TAF11: variants seen among roughly 807,000 people sequenced by gnomAD.
TAF11 encodes the protein transcription initiation factor TFIID subunit 11.
Under a neutral mutation model 23.0 loss-of-function variants are expected in TAF11, and 10 were observed. That is an observed-to-expected ratio of 0.43 (90% CI 0.27 to 0.74). The LOEUF is 0.74. Among genes scored for constraint, TAF11 ranks in the 30% least tolerant of loss-of-function variants. TAF11 has a pLI of 0.19. For synonymous variants in TAF11, 85 were observed against 95.8 expected, an observed-to-expected ratio of 0.89 and a Z score of 0.66; for missense variants, 196 against 261.7, an observed-to-expected ratio of 0.75 and a Z score of 1.73.
At chr6:34,879,251 T>G (rs186663581) in intron 4 of TAF11, 3 of 306,050 alleles carry the variant, frequency 9.8e-6, no homozygotes, top group East Asian at 3.5e-4. Context: ...GGTATGGTAG[T>G]GCACGCCTAC....
intron 1 of TAF11, among the ~76,000 whole-genome samples, chr6:34,885,502 ATTTCTACT>A (rs1766511423): frequency 6.6e-6 from 1 of 152,044 alleles, no homozygotes; most frequent in Admixed American, 6.5e-5. Flanking sequence ...GCCTGTTATG[ATTTCTACT>A]TTTAAGAGTT....
At chr6:34,886,583 A>T (rs2127433778) in intron 1 of TAF11, among the ~76,000 whole-genome samples, 1 of 151,030 alleles carries the variant, frequency 6.6e-6, no homozygotes, top group African/African-American at 2.4e-5. Flanking sequence ...CTTGTGCCTC[A>T]GCCTCCTAAG....
rs1379056622 is a variant in TAF11, at chr6:34,886,460, CTTTCT to C, written c.171+1322_171+1326del. 8.6e-5 allele frequency among the ~76,000 whole-genome samples: 13 copies of C among 151,878 alleles called. No individual in the cohort carries two copies. In the South Asian group the frequency reaches 1.2e-3, roughly 15 times the overall value. On this transcript the variant is annotated intron_variant, in intron 1 of 4. Transcript: ENST00000361288. ...TGTCAAATGTTCTCTTTTCCTTTTT[CTTTCT>C]TTTCTTTTCTTTTTTTTTTTCCGAG... is the stretch of plus-strand genomic sequence containing the variant.
rs990480264 is a variant in TAF11, at chr6:34,883,099, C to T, written c.172-19G>A. ...TCTCGAGCTGGGAAGATGAAAGAAA[C>T]TCTATTATATATTTGGCCTACTTTC... On this transcript the variant is annotated intron_variant, in intron 1 of 4. Transcript: ENST00000361288. 6.2e-7 allele frequency: 1 copy of T among 1,602,928 alleles called. No individual in the cohort carries two copies. The highest frequency in any genetic ancestry group is 8.5e-7 in the Non-Finnish European group (1 of 1,177,520).
At chr6:34,882,114 C>T (rs868203411) in intron 2 of TAF11, among the ~76,000 whole-genome samples, 26 of 149,678 alleles carry the variant, frequency 1.7e-4, no homozygotes, top group African/African-American at 5.9e-4. Context: ...CTGAGGCGGG[C>T]GGATCACGAA....
intron 2 of TAF11, among the ~76,000 whole-genome samples, chr6:34,881,413 AT>A (rs1766421891): frequency 6.6e-6 from 1 of 152,104 alleles, no homozygotes; most frequent in Non-Finnish European, 1.5e-5. Context: ...TTTATGGGTG[AT>A]TTTTTTCTAT....
Position 34,887,895 on chromosome 6 carries a change from C to G in TAF11, c.63G>C (p.Thr21=), listed in dbSNP as rs16895197. The G allele has an allele frequency of 5.6e-6, 9 of 1,614,204 alleles. No homozygotes were observed. Among genetic ancestry groups the G allele is most frequent in the Admixed American group, 1.7e-5 (1 of 60,030 alleles). Residue 21 remains threonine (T), a synonymous_variant, in exon 1 of 5, where the codon ACG becomes ACC. Transcript: ENST00000361288. ...KGGETGESDE[T]AAVPGDPGAT... ...CCCCCGGGTCCCCGGGCACAGCGGC[C>G]GTCTCATCCGACTCCCCTGTCTCTC...
intron 1 of TAF11, among the ~76,000 whole-genome samples, 193 bp downstream of exon 1, chr6:34,887,594 C>T (rs1341893380): frequency 6.6e-6 from 1 of 152,152 alleles, no homozygotes; most frequent in Non-Finnish European, 1.5e-5. Context: ...AGTGCTTGAG[C>T]CTCTGGAACC....
intron 1 of TAF11, among the ~76,000 whole-genome samples, chr6:34,886,410 C>CAAA (rs201715300): frequency 0.073 from 11,053 of 151,696 alleles, 608 homozygotes; most frequent in East Asian, 0.23. Context: ...AAAAAACAAA[C>CAAA]AAAAAACCTG....
At chr6:34,884,148 A>G (rs542381175) in intron 1 of TAF11, among the ~76,000 whole-genome samples, 1 of 152,372 alleles carries the variant, frequency 6.6e-6, no homozygotes, top group Admixed American at 6.5e-5. Context: ...ACAATAGCAA[A>G]GACATGGAAT....
Position 34,879,909 on chromosome 6 carries a change from T to C in TAF11, c.505+58A>G. The C allele has an allele frequency of 1.0e-5, 16 of 1,576,748 alleles. No homozygotes were observed. The South Asian group carries it at 1.7e-4, about 17-fold the overall frequency. On this transcript the variant is annotated intron_variant, in intron 4 of 4. Coordinates refer to ENST00000361288, the MANE Select transcript of TAF11 (RefSeq NM_005643.4). ...TTTAATAAGCTCCTTTGTGTAGATATTCTTAAAAATAAGACCACCACAGGT... is the reference window on the plus strand; with the variant it reads ...TTTAATAAGCTCCTTTGTGTAGATACTCTTAAAAATAAGACCACCACAGGT...
chr6:34,878,623 A>T lies in TAF11; in HGVS notation c.603T>A (p.Pro201=). ...VRRLKSKGQI[P]NSKHKKIIFF is the part of the protein sequence containing the mutation. ...AGATGATTTTTTTGTGCTTCGAGTT[A>T]GGGATCTGTCCTTTTGACTTTAACC... Residue 201 remains proline, a synonymous_variant, in exon 5 of 5, where the codon CCT becomes CCA. Coordinates refer to ENST00000361288, the MANE Select transcript of TAF11 (RefSeq NM_005643.4). 1 of 1,610,570 alleles carries T rather than the reference A, an allele frequency of 6.2e-7. No individual in the cohort carries two copies. Among genetic ancestry groups the T allele is most frequent in the Non-Finnish European group, 8.5e-7 (1 of 1,176,762 alleles).
chr6:34,886,989 A>G (rs1319449015), intron 1 of TAF11, among the ~76,000 whole-genome samples: 2 of 152,064 alleles, frequency 1.3e-5, no homozygotes, highest in African/African-American at 4.8e-5. Context: ...TCTGTAGCAT[A>G]AAAACACCAG....
chr6:34,881,086 C>A (rs1410426924), intron 2 of TAF11, among the ~76,000 whole-genome samples: 1 of 152,104 alleles, frequency 6.6e-6, no homozygotes, highest in African/African-American at 2.4e-5. Flanking sequence ...AATGTTCATA[C>A]TATTTGAATT....
intron 2 of TAF11, 78 bp downstream of exon 2, chr6:34,882,853 TA>T: frequency 6.8e-7 from 1 of 1,476,388 alleles, no homozygotes; most frequent in Non-Finnish European, 9.0e-7. Flanking sequence ...AAAGAAAATT[TA>T]AACACCAAGA....
intron 1 of TAF11, among the ~76,000 whole-genome samples, chr6:34,886,596 G>C (rs1361731295): frequency 2.6e-5 from 4 of 151,684 alleles, no homozygotes; most frequent in African/African-American, 9.7e-5. Flanking sequence ...CTCCTAAGTA[G>C]CCGGGATTAC....
chr6:34,884,750 T>C (rs1236197659), intron 1 of TAF11, among the ~76,000 whole-genome samples: 1 of 152,212 alleles, frequency 6.6e-6, no homozygotes, highest in Non-Finnish European at 1.5e-5. Flanking sequence ...ATAGGTGGGA[T>C]GAAGGTAGTC....
rs191219608 is a variant in TAF11 at position 34,880,590 on chromosome 6, A to G, written c.321-214T>C. 1.1e-3 allele frequency among the ~76,000 whole-genome samples: 166 copies of G among 152,370 alleles called. 1 individual carries two copies. Among genetic ancestry groups the G allele is most frequent in the African/African-American group, 3.8e-3 (157 of 41,582 alleles). On this transcript the variant is annotated intron_variant, in intron 2 of 4. Coordinates refer to ENST00000361288, the MANE Select transcript of TAF11 (RefSeq NM_005643.4). The surrounding 1 kb of genome is among the most constrained non-coding windows in gnomAD (Gnocchi z 4.8). ...AACTTCTTTTCTTACCTGTTAACAA[A>G]AAGAACAACACTGGGTCACTGTATC...
intron 1 of TAF11, among the ~76,000 whole-genome samples, chr6:34,885,889 A>T (rs956799768): frequency 6.6e-6 from 1 of 152,182 alleles, no homozygotes. Context: ...TGGGAGGCCG[A>T]GGCGGATGGA....
Sources: gnomAD v4.1 joint callset for allele counts (sites outside exome capture counted in the v4.1 genomes callset) on GRCh38, gnomAD v4.1.1 for gene constraint, Gnocchi (gnomAD v3.1) non-coding constraint, MANE v1.5 for transcripts, NCBI Gene and HGNC (gene_info 2026-07-23, HGNC 2026-07-21) for gene names.